Variants in NBAS observed in about 807,000 individuals in gnomAD.
The protein encoded by NBAS is NBAS subunit of NRZ tethering complex.
Under a neutral mutation model 302.5 loss-of-function variants are expected in NBAS, and 219 were observed. That is an observed-to-expected ratio of 0.72 (90% CI 0.65 to 0.81). The LOEUF (loss-of-function observed/expected upper bound fraction) is 0.81. NBAS is among the 30% of genes least tolerant of loss of function. The probability of loss-of-function intolerance (pLI) is 0.00; values close to 1 mark genes in which losing one functional copy is unlikely to be tolerated. For missense variants in NBAS, 2,932 were observed against 2,841.6 expected, an observed-to-expected ratio of 1.03 and a Z score of -0.72; for synonymous variants, 1,118 against 1,021.6, an observed-to-expected ratio of 1.09 and a Z score of -1.80.
chr2:14,806,283 C>G, the NBAS span, among the ~76,000 whole-genome samples: 16 of 152,302 alleles, frequency 1.1e-4, no homozygotes, highest in African/African-American at 3.6e-4. Flanking sequence ...AGTTTATTAT[C>G]TCCACCATCT....
chr2:15,308,146 C>A (rs767077044), intron 40 of NBAS, 70 bp downstream of exon 40: 13 of 1,604,308 alleles, frequency 8.1e-6, no homozygotes, highest in Non-Finnish European at 1.1e-5. Flanking sequence ...AAAAATTAAA[C>A]ACGTGTTTTG....
intron 9 of NBAS, among the ~76,000 whole-genome samples, chr2:15,521,604 T>A (rs145932343): frequency 6.6e-6 from 1 of 152,210 alleles, no homozygotes; most frequent in Non-Finnish European, 1.5e-5. Context: ...CAAAGTCAAG[T>A]ATATTTAATA....
At chr2:14,803,800 C>T in the NBAS span, among the ~76,000 whole-genome samples, 7 of 152,102 alleles carry the variant, frequency 4.6e-5, no homozygotes, top group African/African-American at 1.7e-4. Flanking sequence ...CAGGCACGTG[C>T]CACCATGCCC....
chr2:15,553,420 A>G lies in NBAS; in HGVS notation c.335+6T>C, dbSNP rs746544202. The G allele has an allele frequency of 1.9e-5, 30 of 1,602,858 alleles. No homozygotes were observed. Among genetic ancestry groups the G allele is most frequent in the Non-Finnish European group, 2.4e-5 (28 of 1,170,040 alleles). On this transcript the variant is annotated splice_donor_region_variant and intron_variant, in intron 5 of 51. Transcript: ENST00000281513. ...AATCTTGAATATGAATAATATTAACAATTACCTGATTTCCACACACTGATC... is the reference window on the plus strand; with the variant it reads ...AATCTTGAATATGAATAATATTAACGATTACCTGATTTCCACACACTGATC...
chr2:14,847,741 C>T, the NBAS span, among the ~76,000 whole-genome samples: 32 of 152,288 alleles, frequency 2.1e-4, no homozygotes, highest in African/African-American at 7.0e-4. Context: ...AGAAAACCAA[C>T]GAAGAAACAT....
chr2:15,530,693 G>A (rs922712115), intron 9 of NBAS, among the ~76,000 whole-genome samples: 1 of 151,606 alleles, frequency 6.6e-6, no homozygotes. Context: ...GTCATTCTAA[G>A]AGACCCTACA....
At chr2:14,871,661 A>G in the NBAS span, among the ~76,000 whole-genome samples, 1 of 152,142 alleles carries the variant, frequency 6.6e-6, no homozygotes, top group Non-Finnish European at 1.5e-5. Context: ...GGAGAAAGAG[A>G]AGTATATTAC....
At chr2:15,072,722 C>A in the NBAS span, among the ~76,000 whole-genome samples, 1 of 152,156 alleles carries the variant, frequency 6.6e-6, no homozygotes. Context: ...ATGATAGTGA[C>A]ATTCCTCATC....
At position 15,167,244 on chromosome 2, in the gene NBAS, G is replaced by A; in HGVS notation, c.6920C>T (p.Pro2307Leu). 1 of 1,614,222 alleles carries A rather than the reference G, an allele frequency of 6.2e-7. No homozygotes were observed. The highest frequency in any genetic ancestry group is 8.5e-7 in the Non-Finnish European group (1 of 1,180,026). The change falls in exon 52 of 52, where the codon CCC becomes CTC. Residue 2307 changes from proline to leucine, a missense_variant. Physicochemically the swap from Pro to Leu is moderately conservative, Grantham distance 98. Coordinates refer to ENST00000281513, the MANE Select transcript of NBAS (RefSeq NM_015909.4). ...GTGGTCAACAATACGTGGATAGAAG[G>A]GAGTGGAGACACACTTCACCAGCAG... ...AKLLVKCVST[P>L]FYPRIVDHLL...
At chr2:15,484,095 A>G (rs1343009355) in intron 12 of NBAS, among the ~76,000 whole-genome samples, 1 of 152,178 alleles carries the variant, frequency 6.6e-6, no homozygotes, top group African/African-American at 2.4e-5. Context: ...AGTGATGAGT[A>G]CACACAGCCA....
chr2:15,423,733 C>T (rs1045812244), intron 23 of NBAS, among the ~76,000 whole-genome samples: 12 of 152,140 alleles, frequency 7.9e-5, no homozygotes, highest in Admixed American at 6.5e-5. Flanking sequence ...AAAAGACAGG[C>T]AATAGGTCCG....
chr2:15,238,077 T>C (rs1667684957), intron 45 of NBAS, among the ~76,000 whole-genome samples: 1 of 152,044 alleles, frequency 6.6e-6, no homozygotes, highest in Non-Finnish European at 1.5e-5. Context: ...GCCCAGCCTA[T>C]TTTTATTTTT....
At chr2:15,455,335 T>C (rs1679202342) in intron 21 of NBAS, among the ~76,000 whole-genome samples, 1 of 152,316 alleles carries the variant, frequency 6.6e-6, no homozygotes, top group African/African-American at 2.4e-5. Context: ...CAGTGACTTT[T>C]AGGAATTCAT....
chr2:15,494,768 T>C (rs1572928086), intron 11 of NBAS, among the ~76,000 whole-genome samples: 1 of 152,098 alleles, frequency 6.6e-6, no homozygotes, highest in Non-Finnish European at 1.5e-5. Context: ...TCCCAGCACT[T>C]AGGATAAATA....
chr2:15,352,033 T>C lies in NBAS; in HGVS notation c.4138A>G (p.Asn1380Asp), dbSNP rs75805245. 4.7e-5 allele frequency: 75 copies of C among 1,612,316 alleles called. No homozygotes were observed. In the African/African-American group the frequency reaches 9.1e-4, roughly 19 times the overall value. Residue 1380 changes from asparagine to aspartate, a missense_variant, in exon 35 of 52, where the codon AAT becomes GAT. Coordinates refer to ENST00000281513, the MANE Select transcript of NBAS (RefSeq NM_015909.4). ...NFQIHHEGGE[N>D]ISASPLTSKA... ...CTAGTTAATGGTGAAGCACTGATAT[T>C]TTCCCCTCCTTCATGATGGATCTGG...
intron 50 of NBAS, among the ~76,000 whole-genome samples, chr2:15,182,630 G>A (rs549653992): frequency 2.2e-4 from 34 of 152,218 alleles, no homozygotes; most frequent in African/African-American, 7.7e-4. Flanking sequence ...GCGGGACCTC[G>A]GAATTTTACA....
At chr2:15,409,780 A>T (rs1171387733) in intron 25 of NBAS, among the ~76,000 whole-genome samples, 2 of 152,168 alleles carry the variant, frequency 1.3e-5, no homozygotes, top group Non-Finnish European at 2.9e-5. Context: ...TTTTGCTCAA[A>T]GTTTAGTTTC....
At chr2:15,074,325 G>A in the NBAS span, among the ~76,000 whole-genome samples, 42 of 147,112 alleles carry the variant, frequency 2.9e-4, no homozygotes, top group Admixed American at 7.1e-4. Flanking sequence ...AAAAACACAT[G>A]GAAAGAAGAA....
the NBAS span, among the ~76,000 whole-genome samples, chr2:14,917,220 T>G: frequency 6.6e-6 from 1 of 152,194 alleles, no homozygotes; most frequent in African/African-American, 2.4e-5. Flanking sequence ...TGGCCATGGC[T>G]AGGGTCTCAT....
Sources: allele counts gnomAD v4.1 joint callset (sites outside exome capture counted in the v4.1 genomes callset), GRCh38; gene constraint gnomAD v4.1.1; transcripts MANE v1.5; gene names NCBI Gene and HGNC (gene_info 2026-07-23, HGNC 2026-07-21).